The following OVGP1 variants were observed in gnomAD, a reference collection of about 807,000 sequenced individuals.
OVGP1 encodes the protein oviduct-specific glycoprotein.
Under a neutral mutation model 48.2 loss-of-function variants are expected in OVGP1, and 26 were observed. The ratio of observed to expected loss-of-function variants is 0.54; its 90% CI spans 0.40 to 0.75. OVGP1 has a LOEUF of 0.75. Ranked by LOEUF, OVGP1 falls within the 30% of genes least tolerant of loss-of-function variation. The pLI is 0.00. For synonymous variants in OVGP1, 294 were observed against 305.7 expected (o/e 0.96, Z 0.40); for missense variants, 791 against 820.6 (o/e 0.96, Z 0.44).
At chr1:111,427,269 A>G (rs1469488796) in intron 1 of OVGP1, 178 bp from the exon 2 acceptor site, 20 of 985,336 alleles carry the variant, frequency 2.0e-5, no homozygotes, top group Non-Finnish European at 2.3e-5. Flanking sequence ...AAGTTGGACC[A>G]GTGGAGCTAG....
intron 10 of OVGP1, among the ~76,000 whole-genome samples, chr1:111,415,819 C>T (rs1652121476): frequency 6.6e-6 from 1 of 152,242 alleles, no homozygotes; most frequent in Middle Eastern, 3.4e-3. Flanking sequence ...GGGACTGGGG[C>T]CCACCTAAAG....
chr1:111,423,890 C>A (rs182440268), intron 4 of OVGP1, among the ~76,000 whole-genome samples, 182 bp from the exon 5 acceptor site: 1 of 152,324 alleles, frequency 6.6e-6, no homozygotes, highest in East Asian at 1.9e-4. Context: ...GAGCTCAATA[C>A]CCAGGAGTAG....
chr1:111,426,547 G>A lies in OVGP1; in HGVS notation c.150C>T (p.Leu50=), dbSNP rs201839992. 6.2e-7 allele frequency: 1 copy of A among 1,614,174 alleles called. No individual in the cohort carries two copies. Residue 50 remains leucine (L), a synonymous_variant, in exon 3 of 11, where the codon CTC becomes CTT. Coordinates refer to ENST00000369732, the MANE Select transcript of OVGP1 (RefSeq NM_002557.4). ...SILPHDLDPF[L]CTHLIFAFAS... Reference sequence around the variant, plus strand: ...CAAAGGCAAATATCAGGTGGGTGCAGAGAAAGGGGTCCAGGTCATGGGGCA... The same window carrying A: ...CAAAGGCAAATATCAGGTGGGTGCAAAGAAAGGGGTCCAGGTCATGGGGCA...
chr1:111,426,521 G>A lies in OVGP1; in HGVS notation c.176C>T (p.Ala59Val). ...AACAATCTGATTGTTGTTCATTGAG[G>A]CAAAGGCAAATATCAGGTGGGTGCA... ...FLCTHLIFAF[A>V]SMNNNQIVAK... The change falls in exon 3 of 11, where the codon GCC becomes GTC. Residue 59 changes from alanine (A) to valine (V), a missense_variant. Ala to Val is a moderately conservative substitution (Grantham distance 64). Coordinates refer to ENST00000369732, the MANE Select transcript of OVGP1 (RefSeq NM_002557.4). 6.2e-7 allele frequency: 1 copy of A among 1,614,114 alleles called. No individual in the cohort carries two copies. Among genetic ancestry groups the A allele is most frequent in the Non-Finnish European group, 8.5e-7 (1 of 1,180,008 alleles).
In OVGP1 at chr1:111,415,299, A is replaced by C. The variant is rs1421531218; in HGVS notation, c.1202T>G (p.Val401Gly). 1.2e-6 allele frequency: 2 copies of C among 1,612,686 alleles called. No individual in the cohort carries two copies. Among genetic ancestry groups the C allele is most frequent in the African/African-American group, 2.7e-5 (2 of 74,880 alleles). Residue 401 changes from valine to glycine, a missense_variant, in exon 11 of 11, where the codon GTG becomes GGG. Transcript: ENST00000369732. ...TTCAGGGTCAGTGCTTGAAGAATTCACAGCAGATGACAGCCAAAATTGTGG... is the reference window on the plus strand; with the variant it reads ...TTCAGGGTCAGTGCTTGAAGAATTCCCAGCAGATGACAGCCAAAATTGTGG... The part of the protein sequence containing the change: ...SLPQFWLSSA[V>G]NSSSTDPERL...
Position 111,414,632 on chromosome 1 carries a change from G to A in OVGP1, c.1869C>T (p.Ser623=). 6.2e-7 allele frequency: 1 copy of A among 1,614,166 alleles called. No homozygotes were observed. Among genetic ancestry groups the A allele is most frequent in the Non-Finnish European group, 8.5e-7 (1 of 1,180,016 alleles). Residue 623 remains serine, a synonymous_variant, in exon 11 of 11, where the codon TCC becomes TCT. Transcript: ENST00000369732. ...QMEAENRMML[S]SSPVIQLPEQ... ...CCGGGAGCTGGATGACGGGGCTGGAGGACAGCATCATCCTGTTTTCAGCTT... is the reference window on the plus strand; with the variant it reads ...CCGGGAGCTGGATGACGGGGCTGGAAGACAGCATCATCCTGTTTTCAGCTT...
chr1:111,422,199 T>C (rs891110142), intron 6 of OVGP1, among the ~76,000 whole-genome samples: 1 of 152,224 alleles, frequency 6.6e-6, no homozygotes, highest in African/African-American at 2.4e-5. Context: ...ATTTGCCTAA[T>C]GTTGCCCAGT....
At chr1:111,423,429 T>A in intron 5 of OVGP1, 114 bp downstream of exon 5, 1 of 1,156,680 alleles carries the variant, frequency 8.6e-7, no homozygotes, top group Non-Finnish European at 1.2e-6. Flanking sequence ...TAAAAGAACA[T>A]TCTGTCACCC....
At chr1:111,426,906 C>G (rs1369428917) in intron 2 of OVGP1, 156 bp downstream of exon 2, 3 of 1,547,956 alleles carry the variant, frequency 1.9e-6, no homozygotes, top group African/African-American at 1.4e-5. Context: ...GCGACACAAA[C>G]AGCAGGTGAC....
intron 10 of OVGP1, 46 bp from the exon 11 acceptor site, chr1:111,415,390 C>G: frequency 6.5e-7 from 1 of 1,538,092 alleles, no homozygotes; most frequent in Non-Finnish European, 8.8e-7. Flanking sequence ...CCACTTCATT[C>G]TCATCCTATT....
Position 111,416,445 on chromosome 1 carries a change from C to A in OVGP1, c.1034G>T (p.Arg345Met). 1 of 1,604,562 alleles carries A rather than the reference C, an allele frequency of 6.2e-7. No individual in the cohort carries two copies. Residue 345 changes from arginine (R) to methionine (M), a missense_variant, in exon 10 of 11, where the codon AGG becomes ATG. Arg to Met is a moderately conservative substitution (Grantham distance 91). Coordinates refer to ENST00000369732, the MANE Select transcript of OVGP1 (RefSeq NM_002557.4). ...ISFSYKAWFI[R>M]REHFGGAMVW... ...CATGGCCCCCCCAAAATGCTCTCGC[C>A]TTATAAACCATGCCTGTAAAAGTAA...
In OVGP1 at chr1:111,414,691, G is replaced by C; in HGVS notation, c.1810C>G (p.His604Asp). 1 of 1,614,058 alleles carries C rather than the reference G, an allele frequency of 6.2e-7. No individual in the cohort carries two copies. Among genetic ancestry groups the C allele is most frequent in the Non-Finnish European group, 8.5e-7 (1 of 1,179,930 alleles). ...AGACCCAAGTTACCCATCCTGGGGT[G>C]AGTGCCCACCTCAGAAGTCAAATTC... Reference protein sequence around the residue: ...GENLTSEVGTHPRMGNLGLQM... With the variant: ...GENLTSEVGTDPRMGNLGLQM... Residue 604 changes from histidine (H) to aspartate (D), a missense_variant, in exon 11 of 11, where the codon CAC becomes GAC. By Grantham distance (81) the His-to-Asp change is moderately conservative. Transcript: ENST00000369732.
intron 3 of OVGP1, 72 bp downstream of exon 3, chr1:111,426,365 C>T (rs1652396847): frequency 6.2e-7 from 1 of 1,603,824 alleles, no homozygotes. Flanking sequence ...TGAAGAGTAA[C>T]AGGAGAAATA....
chr1:111,427,042 G>A lies in OVGP1; in HGVS notation c.55+20C>T. 1 of 1,614,044 alleles carries A rather than the reference G, an allele frequency of 6.2e-7. No homozygotes were observed. Among genetic ancestry groups the A allele is most frequent in the South Asian group, 1.1e-5 (1 of 91,050 alleles). ...CAGAGACTCTCCCTGGCTCTGGAAG[G>A]GAAAACACAGTTTCCTTACCATCGT... On this transcript the variant is annotated intron_variant, in intron 2 of 10. Transcript: ENST00000369732.
intron 2 of OVGP1, 162 bp downstream of exon 2, chr1:111,426,900 C>A (rs1652414113): frequency 1.3e-6 from 2 of 1,547,152 alleles, no homozygotes; most frequent in Non-Finnish European, 8.7e-7. Flanking sequence ...CAGTCAGCGA[C>A]ACAAACAGCA....
At chr1:111,425,523 G>T (rs1322123406) in intron 3 of OVGP1, 84 bp from the exon 4 acceptor site, 2 of 1,591,800 alleles carry the variant, frequency 1.3e-6, no homozygotes, top group South Asian at 1.1e-5. Flanking sequence ...TTTGCTCATT[G>T]GAAGAAAACA....
chr1:111,414,742 C>T lies in OVGP1; in HGVS notation c.1759G>A (p.Gly587Arg). 6.2e-7 allele frequency: 1 copy of T among 1,612,342 alleles called. No individual in the cohort carries two copies. The highest frequency in any genetic ancestry group is 8.5e-7 in the Non-Finnish European group (1 of 1,178,542). The change falls in exon 11 of 11, where the codon GGG becomes AGG. Residue 587 changes from glycine (G) to arginine (R), a missense_variant. By Grantham distance (125) the Gly-to-Arg change is moderately radical. Coordinates refer to ENST00000369732, the MANE Select transcript of OVGP1 (RefSeq NM_002557.4). ...TCCCCTCTTAAAGGCATAGTCTGCCCTTCAGGGGTGACTGATATGTTTCTG... is the reference window on the plus strand; with the variant it reads ...TCCCCTCTTAAAGGCATAGTCTGCCTTTCAGGGGTGACTGATATGTTTCTG... ...PSRNISVTPE[G>R]QTMPLRGENL...
Position 111,423,063 on chromosome 1 carries a change from GAC to G in OVGP1, c.484-14_484-13del. On this transcript the variant is annotated splice_polypyrimidine_tract_variant and intron_variant, in intron 5 of 10. Coordinates refer to ENST00000369732, the MANE Select transcript of OVGP1 (RefSeq NM_002557.4). ...GCAAACAGGAGCTCCTAAGAGGAAA[GAC>G]AGAAAGACACAGAGAACTGGACAAA... 1 of 1,613,836 alleles carries G rather than the reference GAC, an allele frequency of 6.2e-7. No individual in the cohort carries two copies. The highest frequency in any genetic ancestry group is 2.2e-5 in the East Asian group (1 of 44,882).
chr1:111,423,796 G>GT, intron 4 of OVGP1, 88 bp from the exon 5 acceptor site: 1 of 1,316,546 alleles, frequency 7.6e-7, no homozygotes, highest in Non-Finnish European at 1.1e-6. Context: ...GTTCCCTGTG[G>GT]TGGGCCTGGC....
Sources: allele counts gnomAD v4.1 joint callset (sites outside exome capture counted in the v4.1 genomes callset), GRCh38; gene constraint gnomAD v4.1.1; transcripts MANE v1.5; gene names NCBI Gene and HGNC (gene_info 2026-07-23, HGNC 2026-07-21).